Variants in CNTN4 observed in about 807,000 individuals in gnomAD.
CNTN4 encodes contactin 4, also known as contactin-4.
Under a neutral mutation model 122.5 loss-of-function variants are expected in CNTN4, and 77 were observed. That is an observed-to-expected ratio of 0.63 (90% confidence interval 0.52 to 0.76). The LOEUF (loss-of-function observed/expected upper bound fraction) is 0.76. Ranked by LOEUF, CNTN4 falls within the 30% of genes least tolerant of loss-of-function variation. The pLI is 0.00. For missense variants in CNTN4, 1,256 were observed against 1,259.1 expected (o/e 1.00, Z 0.04); for synonymous variants, 512 against 447.0 (o/e 1.15, Z -1.83).
At chr3:2,922,310 T>G (rs2094436854) in intron 12 of CNTN4, among the ~76,000 whole-genome samples, 1 of 152,160 alleles carries the variant, frequency 6.6e-6, no homozygotes, top group South Asian at 2.1e-4. Flanking sequence ...ATAGAACAGG[T>G]CCCTTTCACT....
chr3:2,457,917 C>A (rs2049059790), intron 3 of CNTN4, among the ~76,000 whole-genome samples: 1 of 152,098 alleles, frequency 6.6e-6, no homozygotes, highest in Non-Finnish European at 1.5e-5. Flanking sequence ...TCATGAATTA[C>A]ATTATTAGTA....
At chr3:2,407,655 T>C (rs1001663416) in intron 3 of CNTN4, among the ~76,000 whole-genome samples, 2 of 152,152 alleles carry the variant, frequency 1.3e-5, no homozygotes, top group African/African-American at 4.8e-5. Flanking sequence ...TGAGATGTTA[T>C]TTGGTTGTGA....
At chr3:2,436,158 T>G (rs948983599) in intron 3 of CNTN4, among the ~76,000 whole-genome samples, 1 of 152,160 alleles carries the variant, frequency 6.6e-6, no homozygotes, top group Non-Finnish European at 1.5e-5. Context: ...TCAACAATTA[T>G]TCATTCAACC....
At chr3:2,934,180 A>G (rs1158050141) in intron 13 of CNTN4, among the ~76,000 whole-genome samples, 1 of 152,198 alleles carries the variant, frequency 6.6e-6, no homozygotes, top group African/African-American at 2.4e-5. Flanking sequence ...GACACAATAA[A>G]ATTGTATAAA....
intron 6 of CNTN4, among the ~76,000 whole-genome samples, chr3:2,806,436 G>A (rs925024776): frequency 2.0e-5 from 3 of 152,164 alleles, no homozygotes; most frequent in African/African-American, 7.2e-5. Flanking sequence ...CCGCACAAAG[G>A]ATGGTAAGGT....
At chr3:2,394,872 T>C (rs1461548204) in intron 3 of CNTN4, among the ~76,000 whole-genome samples, 1 of 145,668 alleles carries the variant, frequency 6.9e-6, no homozygotes, top group African/African-American at 2.5e-5. Context: ...CTGCAACCTC[T>C]GCCTCCTGGG....
chr3:2,351,065 A>G (rs1248018871), intron 3 of CNTN4, among the ~76,000 whole-genome samples: 1 of 152,168 alleles, frequency 6.6e-6, no homozygotes, highest in African/African-American at 2.4e-5. Context: ...AAGTTCCTAT[A>G]TTGAGTTTGC....
At chr3:2,720,930 GT>G (rs1463686534) in intron 4 of CNTN4, among the ~76,000 whole-genome samples, 1 of 152,036 alleles carries the variant, frequency 6.6e-6, no homozygotes, top group Non-Finnish European at 1.5e-5. Context: ...AGGCACTGTG[GT>G]TTTGACCCCT....
intron 23 of CNTN4, among the ~76,000 whole-genome samples, chr3:3,052,180 C>G (rs541753782): frequency 1.1e-4 from 17 of 152,370 alleles, no homozygotes; most frequent in African/African-American, 4.1e-4. Flanking sequence ...GATCCCACCT[C>G]TGTGCAGTCT....
chr3:2,188,964 T>G (rs1462984767), intron 2 of CNTN4, among the ~76,000 whole-genome samples: 2 of 152,186 alleles, frequency 1.3e-5, no homozygotes, highest in African/African-American at 4.8e-5. Flanking sequence ...GGAGATGCTA[T>G]GTACACTGCA....
At chr3:2,360,361 TC>T (rs1216042709) in intron 3 of CNTN4, among the ~76,000 whole-genome samples, 2 of 151,972 alleles carry the variant, frequency 1.3e-5, no homozygotes, top group Non-Finnish European at 2.9e-5. Context: ...TTCCTTTTGC[TC>T]CCCCCACCCC....
At chr3:2,843,873 C>A (rs964041493) in intron 7 of CNTN4, among the ~76,000 whole-genome samples, 1 of 152,172 alleles carries the variant, frequency 6.6e-6, no homozygotes, top group South Asian at 2.1e-4. Context: ...AATACAGTGA[C>A]TCTTTTAAGT....
intron 2 of CNTN4, among the ~76,000 whole-genome samples, chr3:2,240,656 C>T (rs1277584076): frequency 6.6e-6 from 1 of 152,024 alleles, no homozygotes; most frequent in Non-Finnish European, 1.5e-5. Context: ...GAAGCTTAGT[C>T]ATTGCATTGT....
chr3:2,963,682 C>A (rs750259559), intron 13 of CNTN4, among the ~76,000 whole-genome samples: 1 of 152,206 alleles, frequency 6.6e-6, no homozygotes, highest in African/African-American at 2.4e-5. Context: ...CCCCAACACA[C>A]ACCAAAAGTC....
chr3:2,630,302 G>A (rs1334990218), intron 4 of CNTN4, among the ~76,000 whole-genome samples: 1 of 152,128 alleles, frequency 6.6e-6, no homozygotes, highest in Non-Finnish European at 1.5e-5. Context: ...AGCCAGGCAT[G>A]GGGGTACACA....
At chr3:2,537,948 G>T (rs962399027) in intron 3 of CNTN4, among the ~76,000 whole-genome samples, 4 of 152,060 alleles carry the variant, frequency 2.6e-5, no homozygotes, top group Non-Finnish European at 4.4e-5. Context: ...AATGAATTGT[G>T]CTCCTCCCCC....
chr3:2,608,095 C>G (rs2081334176), intron 4 of CNTN4, among the ~76,000 whole-genome samples: 1 of 152,078 alleles, frequency 6.6e-6, no homozygotes, highest in South Asian at 2.1e-4. Flanking sequence ...TAAGATCTAA[C>G]CAAGGGACTG....
At chr3:2,568,383 A>G (rs1290030205) in intron 3 of CNTN4, among the ~76,000 whole-genome samples, 1 of 150,994 alleles carries the variant, frequency 6.6e-6, no homozygotes, top group Non-Finnish European at 1.5e-5. Flanking sequence ...TCCTGGCTCA[A>G]TGAGAGAAAG....
chr3:2,498,681 C>A (rs1243683502), intron 3 of CNTN4, among the ~76,000 whole-genome samples: 1 of 151,930 alleles, frequency 6.6e-6, no homozygotes, highest in East Asian at 1.9e-4. Flanking sequence ...GGGGTCTTAC[C>A]ATGTTTCTCA....
Sources: gnomAD v4.1 joint callset for allele counts (sites outside exome capture counted in the v4.1 genomes callset) on GRCh38, gnomAD v4.1.1 for gene constraint, MANE v1.5 for transcripts, NCBI Gene and HGNC (gene_info 2026-07-23, HGNC 2026-07-21) for gene names.